Variants in PKNOX2 observed in about 807,000 individuals in gnomAD.
PKNOX2 encodes the protein PBX/knotted 1 homeobox 2.
In PKNOX2, 14 loss-of-function variants were observed where a neutral mutation model predicts 53.1. That is an observed-to-expected ratio of 0.26 (90% CI 0.17 to 0.41). The LOEUF (loss-of-function observed/expected upper bound fraction) is 0.41, where lower values mean the gene tolerates loss of function less well. Ranked by LOEUF, PKNOX2 falls within the 10% of genes least tolerant of loss-of-function variation. The probability of loss-of-function intolerance (pLI) is 1.00; values close to 1 mark genes in which losing one functional copy is unlikely to be tolerated. For synonymous variants in PKNOX2, 257 were observed against 242.8 expected, an observed-to-expected ratio of 1.06 and a Z score of -0.54; for missense variants, 496 against 602.8, an observed-to-expected ratio of 0.82 and a Z score of 1.85.
chr11:125,317,621 G>C (rs1949281587), intron 2 of PKNOX2, among the ~76,000 whole-genome samples: 1 of 152,236 alleles, frequency 6.6e-6, no homozygotes, highest in Non-Finnish European at 1.5e-5. Context: ...TTTCTGAGCA[G>C]TAGGTCTCAA....
intron 2 of PKNOX2, among the ~76,000 whole-genome samples, chr11:125,237,573 A>C (rs888795181): frequency 6.6e-6 from 1 of 152,282 alleles, no homozygotes; most frequent in East Asian, 1.9e-4. Flanking sequence ...TTTGGGGGTG[A>C]TTTGTTCTCC....
chr11:125,222,595 G>A (rs12797405), intron 1 of PKNOX2, among the ~76,000 whole-genome samples: 17,739 of 147,158 alleles, frequency 0.12, 1,267 homozygotes, highest in Middle Eastern at 0.16. Flanking sequence ...TGGTGTGTGT[G>A]TGTGTGTGTC....
intron 5 of PKNOX2, among the ~76,000 whole-genome samples, chr11:125,377,589 G>A (rs1342603415): frequency 2.0e-5 from 3 of 152,156 alleles, no homozygotes; most frequent in African/African-American, 7.2e-5. Flanking sequence ...ACCATTCCAG[G>A]GACCAGGGTC....
At chr11:125,346,177 C>T (rs1003488481) in intron 3 of PKNOX2, among the ~76,000 whole-genome samples, 5 of 54,752 alleles carry the variant, frequency 9.1e-5, no homozygotes, top group Admixed American at 2.8e-4. Context: ...TCAGAGGGGA[C>T]GGCTTGGGGG....
At chr11:125,171,612 G>A (rs1955326137) in intron 1 of PKNOX2, among the ~76,000 whole-genome samples, 1 of 152,214 alleles carries the variant, frequency 6.6e-6, no homozygotes, top group Non-Finnish European at 1.5e-5. Flanking sequence ...CTCAGTCATG[G>A]TTGACTCTCC....
Position 125,430,155 on chromosome 11 carries a change from C to T in PKNOX2, c.1192+14C>T, listed in dbSNP as rs758034702. The T allele has an allele frequency of 1.9e-6, 3 of 1,612,318 alleles. No homozygotes were observed. The highest frequency in any genetic ancestry group is 2.7e-5 in the African/African-American group (2 of 74,912). ...CAAACCCCGATGGTAAGAACTGGGG[C>T]TGAGTGCACCCTAGACAAGGGCTGG... is the stretch of plus-strand genomic sequence containing the variant. On this transcript the variant is annotated intron_variant, in intron 12 of 12. Coordinates refer to ENST00000298282, the MANE Select transcript of PKNOX2 (RefSeq NM_001382323.2).
chr11:125,274,745 T>C (rs566843006), intron 2 of PKNOX2, among the ~76,000 whole-genome samples: 1 of 152,324 alleles, frequency 6.6e-6, no homozygotes, highest in Admixed American at 6.5e-5. Flanking sequence ...TCTAGGACCT[T>C]GGAAGGCTGA....
intron 2 of PKNOX2, among the ~76,000 whole-genome samples, chr11:125,309,682 C>T (rs7122424): frequency 0.23 from 35,056 of 151,988 alleles, 4,716 homozygotes; most frequent in East Asian, 0.51. Context: ...GCGACTGTGC[C>T]CGGCCTCTAA....
chr11:125,345,477 C>T (rs748934014), intron 3 of PKNOX2, among the ~76,000 whole-genome samples: 2 of 152,150 alleles, frequency 1.3e-5, no homozygotes, highest in African/African-American at 2.4e-5. Context: ...GCAGACACCC[C>T]GCCTCCAGCT....
At chr11:125,271,757 T>C (rs1359564995) in intron 2 of PKNOX2, among the ~76,000 whole-genome samples, 1 of 151,756 alleles carries the variant, frequency 6.6e-6, no homozygotes, top group Non-Finnish European at 1.5e-5. Flanking sequence ...AAGGAGCACC[T>C]CCTCCTTGGG....
rs1423555379 is a variant in PKNOX2 at position 125,399,163 on chromosome 11, G to A, written c.588+1101G>A. 2.6e-5 allele frequency among the ~76,000 whole-genome samples: 4 copies of A among 152,234 alleles called. No individual in the cohort carries two copies. The East Asian group carries it at 7.7e-4, about 29-fold the overall frequency. The stretch of plus-strand genomic sequence containing the variant: ...ACCCACCCCAGTGGGCTCTTTGTGA[G>A]ACTCCGTAGTGAGTACTGCCCAGGA... On this transcript the variant is annotated intron_variant, in intron 7 of 12. Coordinates refer to ENST00000298282, the MANE Select transcript of PKNOX2 (RefSeq NM_001382323.2).
At chr11:125,256,282 T>C (rs574749120) in intron 2 of PKNOX2, among the ~76,000 whole-genome samples, 14 of 152,004 alleles carry the variant, frequency 9.2e-5, no homozygotes, top group Non-Finnish European at 1.8e-4. Context: ...GCCAGGAGCC[T>C]GCCTAGGACA....
intron 1 of PKNOX2, among the ~76,000 whole-genome samples, chr11:125,190,448 C>T (rs923032891): frequency 2.6e-5 from 4 of 152,194 alleles, no homozygotes; most frequent in Admixed American, 6.5e-5. Flanking sequence ...ATTCGTTCTG[C>T]GATCATGGCC....
chr11:125,328,376 A>C (rs1419795965), intron 2 of PKNOX2, among the ~76,000 whole-genome samples: 1 of 140,832 alleles, frequency 7.1e-6, no homozygotes, highest in African/African-American at 2.7e-5. Context: ...AGAGAGAGAG[A>C]GAGTGAGTGA....
At chr11:125,324,095 C>T (rs1159762532) in intron 2 of PKNOX2, among the ~76,000 whole-genome samples, 1 of 152,050 alleles carries the variant, frequency 6.6e-6, no homozygotes, top group Admixed American at 6.5e-5. Flanking sequence ...CACCGACTCA[C>T]CAAATGATGA....
Position 125,186,049 on chromosome 11 carries a change from G to GTT in PKNOX2, c.-201+21282_-201+21283dup, listed in dbSNP as rs58819944. ...TGCTGACCAACATTTGTTATTCTCT[G>GTT]TTTTTTTTTTAATTGTAGCCATTAT... On this transcript the variant is annotated intron_variant, in intron 1 of 12. Coordinates refer to ENST00000298282, the MANE Select transcript of PKNOX2 (RefSeq NM_001382323.2). Among the ~76,000 whole-genome samples, 1,013 of 149,210 alleles carry GTT rather than the reference G, an allele frequency of 6.8e-3. 8 individuals are homozygous for GTT. The highest frequency in any genetic ancestry group is 0.01 in the Middle Eastern group (3 of 286).
intron 2 of PKNOX2, among the ~76,000 whole-genome samples, chr11:125,308,162 C>T (rs1357407461): frequency 1.3e-5 from 2 of 152,178 alleles, no homozygotes; most frequent in Admixed American, 6.5e-5. Context: ...GATGGCCTTC[C>T]TTAGAATGTG....
chr11:125,324,808 T>C (rs555966607), intron 2 of PKNOX2, among the ~76,000 whole-genome samples: 3 of 152,076 alleles, frequency 2.0e-5, no homozygotes, highest in African/African-American at 7.2e-5. Flanking sequence ...GAGAGAGCCA[T>C]TGGAGCTGGG....
intron 10 of PKNOX2, among the ~76,000 whole-genome samples, chr11:125,420,879 T>C (rs1453493785): frequency 6.6e-6 from 1 of 152,182 alleles, no homozygotes; most frequent in African/African-American, 2.4e-5. Flanking sequence ...GCATCAATCA[T>C]GGAGTCTTCC....
Sources: gnomAD v4.1 joint callset for allele counts (sites outside exome capture counted in the v4.1 genomes callset) on GRCh38, gnomAD v4.1.1 for gene constraint, MANE v1.5 for transcripts, NCBI Gene and HGNC (gene_info 2026-07-23, HGNC 2026-07-21) for gene names.